Variants in ATP8B3 observed in about 807,000 individuals in gnomAD.
The protein encoded by ATP8B3 is phospholipid-transporting ATPase IK.
In ATP8B3, 141 loss-of-function variants were observed where a neutral mutation model predicts 140.9. The observed-to-expected ratio is 1.00, with a 90% CI of 0.87 to 1.15. The LOEUF is 1.15. Ranked by LOEUF, ATP8B3 falls within the 50% of genes most tolerant of loss-of-function variation. ATP8B3 has a pLI of 0.00. For synonymous variants in ATP8B3, 765 were observed against 714.6 expected (o/e 1.07, Z -1.13); for missense variants, 1,874 against 1,740.6 (o/e 1.08, Z -1.36).
intron 10 of ATP8B3, among the ~76,000 whole-genome samples, chr19:1,804,319 C>A (rs536669511): frequency 3.9e-5 from 6 of 152,216 alleles, no homozygotes; most frequent in East Asian, 3.9e-4. Flanking sequence ...TATGATGAAA[C>A]CCCGTCTCGG....
chr19:1,787,193 C>T lies in ATP8B3; in HGVS notation c.3070-7G>A, dbSNP rs374653617. On this transcript the variant is annotated splice_region_variant and splice_polypyrimidine_tract_variant and intron_variant, in intron 24 of 28. Transcript: ENST00000310127. The stretch of plus-strand genomic sequence containing the variant: ...ACCATCCTTCATACAGGGGCTGAGC[C>T]GGGGGAGAAGGGCAAGGAGAACAAG... 9 of 1,604,826 alleles carry T rather than the reference C, an allele frequency of 5.6e-6. No individual in the cohort carries two copies. Among genetic ancestry groups the T allele is most frequent in the East Asian group, 2.2e-5 (1 of 44,642 alleles).
At position 1,794,590 on chromosome 19, in the gene ATP8B3, T is replaced by C. The variant is rs1395327879; in HGVS notation, c.2055+1285A>G. ...GCCTGGGGTGATGACAGCCCCATGT[T>C]GGCAGGGGGTGGGGCAGGAAAGGCC... On this transcript the variant is annotated intron_variant, in intron 18 of 28. Transcript: ENST00000310127. The surrounding 1 kb of genome is among the most constrained non-coding windows in gnomAD (Gnocchi z 4.8). Among the ~76,000 whole-genome samples the C allele has an allele frequency of 1.3e-5, 2 of 151,938 alleles. No homozygotes were observed. The highest frequency in any genetic ancestry group is 3.9e-4 in the East Asian group (2 of 5,162).
chr19:1,782,321 G>T lies in ATP8B3; in HGVS notation c.*707C>A. 3.0e-6 allele frequency: 1 copy of T among 338,416 alleles called. No homozygotes were observed. The allele number at this position is 338,416 out of a possible 1,614,324, so 21.0% of individuals were successfully genotyped here. A position where few individuals can be genotyped will look rare whatever the true frequency, so the allele number is the denominator to read the frequency against. ...CTGCTGAACCCTGGTCCCCTCCGCA[G>T]AGGGCAATGACTGCTCCTCTGGGGG... On this transcript the variant is annotated 3_prime_UTR_variant, in exon 29 of 29. Coordinates refer to ENST00000310127, the MANE Select transcript of ATP8B3 (RefSeq NM_138813.4).
chr19:1,811,519 C>A lies in ATP8B3; in HGVS notation c.218G>T (p.Arg73Leu), dbSNP rs369921115. 1 of 1,612,174 alleles carries A rather than the reference C, an allele frequency of 6.2e-7. No homozygotes were observed. The change falls in exon 2 of 29, where the codon CGG (arginine) becomes CTG (leucine). Residue 73 changes from arginine (R) to leucine (L), a missense_variant. By Grantham distance (102) the Arg-to-Leu change is moderately radical (BLOSUM62 -2). This residue lies in a region of ATP8B3 where 1,032 missense variants were observed against 963.6 expected (regional missense o/e 1.07). Coordinates refer to ENST00000310127, the MANE Select transcript of ATP8B3 (RefSeq NM_138813.4). ...PERRHKAQPG[R>L]ARKYEWRPEG... ...TGGTCTCCATTCATACTTCCTAGCC[C>A]GGCCAGGCTGGGCCTTGTGCCTCCT...
In ATP8B3 at chr19:1,805,531, G is replaced by T; in HGVS notation, c.822-75C>A. 1 of 1,282,646 alleles carries T rather than the reference G, an allele frequency of 7.8e-7. No homozygotes were observed. Among genetic ancestry groups the T allele is most frequent in the Non-Finnish European group, 1.1e-6 (1 of 903,806 alleles). 79.5% of individuals were successfully genotyped at this position (1,282,646 alleles called of 1,614,324 possible). ...GAGGAGCCCCCAGACCCCTTCTGGA[G>T]TCACTCAAACATTTTCACTGAGCAC... On this transcript the variant is annotated intron_variant, in intron 9 of 28. Coordinates refer to ENST00000310127, the MANE Select transcript of ATP8B3 (RefSeq NM_138813.4). The surrounding 1 kb of genome is among the most constrained non-coding windows in gnomAD (Gnocchi z 5.2).
chr19:1,796,700 G>C lies in ATP8B3; in HGVS notation c.1753+11C>G. 6.2e-7 allele frequency: 1 copy of C among 1,606,588 alleles called. No homozygotes were observed. The highest frequency in any genetic ancestry group is 1.1e-5 in the South Asian group (1 of 90,888). The stretch of plus-strand genomic sequence containing the variant: ...GAGCGGCCTCAGAGATGGGGAGGTG[G>C]GTGGGCGCACCTGGGCGCTCACGGG... On this transcript the variant is annotated intron_variant, in intron 16 of 28. Coordinates refer to ENST00000310127, the MANE Select transcript of ATP8B3 (RefSeq NM_138813.4).
intron 5 of ATP8B3, among the ~76,000 whole-genome samples, chr19:1,808,007 G>A (rs888220779): frequency 2.6e-5 from 4 of 152,242 alleles, no homozygotes; most frequent in Admixed American, 1.3e-4. Context: ...AGAGGGTGCC[G>A]TCATCAGACC....
In ATP8B3 at chr19:1,792,619, G is replaced by T. The variant is rs1231163998; in HGVS notation, c.2056-484C>A. Among the ~76,000 whole-genome samples the T allele has an allele frequency of 3.5e-5, 5 of 143,892 alleles. No homozygotes were observed. The Admixed American group carries it at 3.6e-4, about 10-fold the overall frequency. 94.4% of individuals were successfully genotyped at this position (143,892 alleles called of 152,430 possible). A position where few individuals can be genotyped will look rare whatever the true frequency, so the allele number is the denominator to read the frequency against. On this transcript the variant is annotated intron_variant, in intron 18 of 28. Coordinates refer to ENST00000310127, the MANE Select transcript of ATP8B3 (RefSeq NM_138813.4). The stretch of plus-strand genomic sequence containing the variant: ...AAATAGAAAAAACAATAGAAAGAAA[G>T]CGGGGAAGAGGGCTGGGCGTGGTGG...
rs368260432 is a variant in ATP8B3 at position 1,800,002 on chromosome 19, C to A, written c.1497G>T (p.Thr499=). The change falls in exon 14 of 29, where the codon ACG becomes ACT. Residue 499 remains threonine, a synonymous_variant. Coordinates refer to ENST00000310127, the MANE Select transcript of ATP8B3 (RefSeq NM_138813.4). This position sits in a 1 kb window ranked among gnomAD's most constrained non-coding sequence, Gnocchi z 4.4. ...VEYIFSDKTG[T]LTQNILTFNK... Reference sequence around the variant, plus strand: ...TGAAGGTCAAGATGTTCTGCGTGAGCGTGCCCGTCTTGTCCGAGAAGATGT... The same window carrying A: ...TGAAGGTCAAGATGTTCTGCGTGAGAGTGCCCGTCTTGTCCGAGAAGATGT... 6.2e-7 allele frequency: 1 copy of A among 1,606,474 alleles called. No homozygotes were observed. The highest frequency in any genetic ancestry group is 8.5e-7 in the Non-Finnish European group (1 of 1,176,748).
At chr19:1,808,156 C>A in intron 5 of ATP8B3, 66 bp downstream of exon 5, 1 of 1,334,732 alleles carries the variant, frequency 7.5e-7, no homozygotes, top group Non-Finnish European at 1.1e-6. Flanking sequence ...ACCCATCACA[C>A]AGACAAACAC....
At chr19:1,791,559 A>C (rs2068510971) in intron 20 of ATP8B3, among the ~76,000 whole-genome samples, 191 bp downstream of exon 20, 1 of 151,842 alleles carries the variant, frequency 6.6e-6, no homozygotes, top group East Asian at 1.9e-4. Context: ...GGCCAGGCCC[A>C]TTTTTGTATT....
chr19:1,810,735 G>A, intron 2 of ATP8B3, 52 bp from the exon 3 acceptor site: 1 of 1,555,644 alleles, frequency 6.4e-7, no homozygotes, highest in Non-Finnish European at 8.8e-7. Flanking sequence ...CCCTTGCTGG[G>A]CACCACTCGG....
Position 1,789,515 on chromosome 19 carries a change from G to A in ATP8B3, c.2691C>T (p.Arg897=), listed in dbSNP as rs753993772. The change falls in exon 23 of 29, where the codon CGC becomes CGT. Residue 897 remains arginine (R), a synonymous_variant. Transcript: ENST00000310127. ...ACTTGGACGCCAGGTCCACGAAGGC[G>A]CGCTCCTGCAGCACCTCGGAGCTAC... The part of the protein sequence containing the change: ...ARRSSEVLQE[R]AFVDLASKCQ... The A allele has an allele frequency of 6.3e-7, 1 of 1,598,178 alleles. No individual in the cohort carries two copies. Among genetic ancestry groups the A allele is most frequent in the South Asian group, 1.1e-5 (1 of 90,912 alleles).
In ATP8B3 at chr19:1,806,706, A is replaced by T; in HGVS notation, c.616-17T>A. The T allele has an allele frequency of 6.4e-7, 1 of 1,556,606 alleles. No homozygotes were observed. The highest frequency in any genetic ancestry group is 8.7e-7 in the Non-Finnish European group (1 of 1,150,536). On this transcript the variant is annotated splice_polypyrimidine_tract_variant and intron_variant, in intron 6 of 28. Coordinates refer to ENST00000310127, the MANE Select transcript of ATP8B3 (RefSeq NM_138813.4). This position sits in a 1 kb window ranked among gnomAD's most constrained non-coding sequence, Gnocchi z 5.6. ...GTGTCTCCCCTGGGCCAGGAGGGAA[A>T]GGATCAGAGAGACCGTCCAGCCTCT...
chr19:1,796,772 G>A lies in ATP8B3; in HGVS notation c.1692C>T (p.Phe564=). 6.2e-7 allele frequency: 1 copy of A among 1,612,424 alleles called. No individual in the cohort carries two copies. The highest frequency in any genetic ancestry group is 8.5e-7 in the Non-Finnish European group (1 of 1,179,636). Residue 564 remains phenylalanine (F), a synonymous_variant, in exon 16 of 29, where the codon TTC becomes TTT. Transcript: ENST00000310127. ...RTNGDEAVRE[F]WRLLAICHTV... is the part of the protein sequence containing the mutation. The stretch of plus-strand genomic sequence containing the variant: ...TGTGGCAGATGGCCAGCAGGCGCCA[G>A]AACTCCCGCACGGCCTCGTCCCCGT...
In ATP8B3 at chr19:1,800,073, T is replaced by C; in HGVS notation, c.1426A>G (p.Lys476Glu). ...MYYKPQDVPA[K>E]ARSTSLNDHL... The stretch of plus-strand genomic sequence containing the variant: ...TCGTTGAGGCTGGTGCTGCGGGCCT[T>C]GGCAGGCACGTCCTGCGGCTTGTAG... Residue 476 changes from lysine to glutamate, a missense_variant, in exon 14 of 29, where the codon AAG becomes GAG. Lys to Glu is a moderately conservative substitution (Grantham distance 56). This residue lies in a region of ATP8B3 where 1,032 missense variants were observed against 963.6 expected (regional missense o/e 1.07). Coordinates refer to ENST00000310127, the MANE Select transcript of ATP8B3 (RefSeq NM_138813.4). This position sits in a 1 kb window ranked among gnomAD's most constrained non-coding sequence, Gnocchi z 4.4. 1 of 1,585,914 alleles carries C rather than the reference T, an allele frequency of 6.3e-7. No individual in the cohort carries two copies. The highest frequency in any genetic ancestry group is 1.1e-5 in the South Asian group (1 of 87,344).
chr19:1,807,783 G>A lies in ATP8B3; in HGVS notation c.516+439C>T, dbSNP rs1196610407. ...GCTCTGAAAACAGCGCCCCTGGCCG[G>A]ATGCCGGCCCCACGCTGGCCTGGAC... On this transcript the variant is annotated intron_variant, in intron 5 of 28. Coordinates refer to ENST00000310127, the MANE Select transcript of ATP8B3 (RefSeq NM_138813.4). This position sits in a 1 kb window ranked among gnomAD's most constrained non-coding sequence, Gnocchi z 5.9. 6.6e-6 allele frequency among the ~76,000 whole-genome samples: 1 copy of A among 152,284 alleles called. No homozygotes were observed. The highest frequency in any genetic ancestry group is 2.4e-5 in the African/African-American group (1 of 41,486).
At position 1,800,106 on chromosome 19, in the gene ATP8B3, G is replaced by T; in HGVS notation, c.1393C>A (p.Gln465Lys). Residue 465 changes from glutamine (Q) to lysine (K), a missense_variant, in exon 14 of 29, where the codon CAG (glutamine) becomes AAG (lysine). By Grantham distance (53) the Gln-to-Lys change is moderately conservative. This residue lies in a region of ATP8B3 where 1,032 missense variants were observed against 963.6 expected (regional missense o/e 1.07). Transcript: ENST00000310127. The surrounding 1 kb of genome is among the most constrained non-coding windows in gnomAD (Gnocchi z 4.4). ...ACGTCCTGCGGCTTGTAGTACATCT[G>T]CACGTCCCAGTCGATGAAGACGCTG... ...GNSVFIDWDV[Q>K]MYYKPQDVPA... The T allele has an allele frequency of 6.4e-7, 1 of 1,566,608 alleles. No individual in the cohort carries two copies. The highest frequency in any genetic ancestry group is 8.7e-7 in the Non-Finnish European group (1 of 1,155,812).
chr19:1,793,528 C>T (rs2068579454), intron 18 of ATP8B3, among the ~76,000 whole-genome samples: 1 of 152,170 alleles, frequency 6.6e-6, no homozygotes, highest in Admixed American at 6.5e-5. Flanking sequence ...TCTCTGAGCC[C>T]CTTCCTTGGG....
Sources: allele counts gnomAD v4.1 joint callset (sites outside exome capture counted in the v4.1 genomes callset), GRCh38; gene constraint gnomAD v4.1.1; regional missense constraint gnomAD v4.1.1; non-coding constraint Gnocchi (gnomAD v3.1); transcripts MANE v1.5; gene names NCBI Gene and HGNC (gene_info 2026-07-23, HGNC 2026-07-21).